FRMD5: variants seen among roughly 807,000 people sequenced by gnomAD.
The protein encoded by FRMD5 is FERM domain containing 5.
Under a neutral mutation model 69.0 loss-of-function variants are expected in FRMD5, and 20 were observed. That is an observed-to-expected ratio of 0.29 (90% CI 0.20 to 0.42). The LOEUF is 0.42. Among genes scored for constraint, FRMD5 ranks in the 10% least tolerant of loss-of-function variants. The pLI is 1.00. For missense variants in FRMD5, 595 were observed against 708.6 expected (o/e 0.84, Z 1.82); for synonymous variants, 271 against 260.1 (o/e 1.04, Z -0.40).
In FRMD5 at chr15:43,872,814, C is replaced by CTATT. The variant is rs59652543; in HGVS notation, c.*1067_*1070dup. 0.15 allele frequency: 28,772 copies of CTATT among 198,116 alleles called. 2,853 individuals carry two copies. The highest frequency in any genetic ancestry group is 0.28 in the African/African-American group (12,248 of 43,014). 12.3% of individuals were successfully genotyped at this position (198,116 alleles called of 1,614,324 possible). On this transcript the variant is annotated 3_prime_UTR_variant, in exon 14 of 14. Coordinates refer to ENST00000417257, the MANE Select transcript of FRMD5 (RefSeq NM_032892.5). ...CTTGCATCGTTTAGTTCATCAGGCT[C>CTATT]TATTTTCTTAATCCATAAAGTAAAA... is the stretch of plus-strand genomic sequence containing the variant.
intron 1 of FRMD5, among the ~76,000 whole-genome samples, chr15:44,141,796 T>A (rs193294592): frequency 2.4e-4 from 36 of 152,268 alleles, no homozygotes; most frequent in Admixed American, 2.2e-3. Context: ...ACAACCTACC[T>A]CAGACCACAC....
chr15:44,078,162 T>G (rs549276433), intron 1 of FRMD5, among the ~76,000 whole-genome samples: 5 of 152,182 alleles, frequency 3.3e-5, no homozygotes, highest in Admixed American at 3.3e-4. Flanking sequence ...TCAAAAGGCA[T>G]GATAACTGTT....
intron 1 of FRMD5, among the ~76,000 whole-genome samples, chr15:44,179,087 G>T (rs2077952538): frequency 6.6e-6 from 1 of 151,818 alleles, no homozygotes; most frequent in South Asian, 2.1e-4. Context: ...AAAAAAATAA[G>T]AAAAGGAAAA....
chr15:44,156,850 C>A (rs1404761377), intron 1 of FRMD5, among the ~76,000 whole-genome samples: 5 of 152,096 alleles, frequency 3.3e-5, no homozygotes, highest in Non-Finnish European at 7.3e-5. Flanking sequence ...GAGGACTGCT[C>A]CAGCTCAAGA....
chr15:44,063,858 CA>C, intron 1 of FRMD5: 3 of 276,162 alleles, frequency 1.1e-5, no homozygotes, highest in Non-Finnish European at 2.1e-5. Flanking sequence ...ACGGGGGAAC[CA>C]AAAAGGTCAT....
At chr15:44,153,518 G>A (rs1455427659) in intron 1 of FRMD5, among the ~76,000 whole-genome samples, 2 of 152,182 alleles carry the variant, frequency 1.3e-5, no homozygotes, top group Non-Finnish European at 2.9e-5. Flanking sequence ...ACGAATACTA[G>A]AATGGTGGTT....
chr15:44,060,118 T>C (rs993438268), intron 1 of FRMD5, among the ~76,000 whole-genome samples: 3 of 152,016 alleles, frequency 2.0e-5, no homozygotes, highest in African/African-American at 7.2e-5. Context: ...AGGTTGGAAA[T>C]GATGACAGAG....
intron 1 of FRMD5, among the ~76,000 whole-genome samples, chr15:43,990,733 G>T (rs950104960): frequency 6.6e-6 from 1 of 152,210 alleles, no homozygotes; most frequent in African/African-American, 2.4e-5. Flanking sequence ...AAAATGAAGA[G>T]AAGATAATAA....
intron 1 of FRMD5, among the ~76,000 whole-genome samples, chr15:43,943,832 A>C (rs1409427566): frequency 6.6e-6 from 1 of 152,196 alleles, no homozygotes; most frequent in African/African-American, 2.4e-5. Flanking sequence ...TGACAGAATA[A>C]ATTTGTTGTT....
intron 1 of FRMD5, among the ~76,000 whole-genome samples, chr15:44,175,075 A>T (rs1267467869): frequency 2.6e-5 from 4 of 152,168 alleles, no homozygotes; most frequent in Admixed American, 6.5e-5. Context: ...GTAAAATAAA[A>T]TTTTTTAAAA....
rs1267016785 is a variant in FRMD5 at position 44,195,238 on chromosome 15, G to A, written c.-184C>T. 9.2e-6 allele frequency: 5 copies of A among 542,466 alleles called. No homozygotes were observed. The highest frequency in any genetic ancestry group is 1.6e-5 in the Non-Finnish European group (5 of 310,956). The allele number at this position is 542,466 out of a possible 1,614,324, so 33.6% of individuals were successfully genotyped here. The stretch of plus-strand genomic sequence containing the variant: ...CCTCCTCCTTCCCTCAGCCGCCACC[G>A]CCTCCCCCCAGCCCAGATCAAGCGC... On this transcript the variant is annotated 5_prime_UTR_variant, in exon 1 of 14. Coordinates refer to ENST00000417257, the MANE Select transcript of FRMD5 (RefSeq NM_032892.5).
rs952697651 is a variant in FRMD5, at chr15:43,926,610, C to T, written c.103-2301G>A. 1.1e-4 allele frequency among the ~76,000 whole-genome samples: 16 copies of T among 151,956 alleles called. No individual in the cohort carries two copies. In the East Asian group the frequency reaches 1.2e-3, roughly 11 times the overall value. ...GAACTAGGGCAGGATGCTGATCTCGCGGCAGTTATGTTAAGAAGTTTGTCC... is the reference window on the plus strand; with the variant it reads ...GAACTAGGGCAGGATGCTGATCTCGTGGCAGTTATGTTAAGAAGTTTGTCC... On this transcript the variant is annotated intron_variant, in intron 1 of 13. Transcript: ENST00000417257.
intron 8 of FRMD5, among the ~76,000 whole-genome samples, chr15:43,889,376 T>C (rs1287591438): frequency 6.6e-6 from 1 of 152,052 alleles, no homozygotes; most frequent in African/African-American, 2.4e-5. Context: ...TGCAGACAAA[T>C]ATCAAACAAT....
At chr15:44,008,038 C>A (rs1009547800) in intron 1 of FRMD5, among the ~76,000 whole-genome samples, 1 of 150,538 alleles carries the variant, frequency 6.6e-6, no homozygotes, top group African/African-American at 2.4e-5. Flanking sequence ...ACATCCTGGG[C>A]TCTAGTGATT....
chr15:44,173,557 A>G (rs1267280419), intron 1 of FRMD5, among the ~76,000 whole-genome samples: 2 of 152,156 alleles, frequency 1.3e-5, no homozygotes, highest in African/African-American at 4.8e-5. Context: ...CCCCTCTGTC[A>G]CCCAGGCTGG....
chr15:43,944,086 A>G (rs2089905688), intron 1 of FRMD5, among the ~76,000 whole-genome samples: 1 of 152,234 alleles, frequency 6.6e-6, no homozygotes, highest in Non-Finnish European at 1.5e-5. Flanking sequence ...TCTGTTGCTT[A>G]TAACAGAATA....
chr15:43,992,815 C>T (rs111299760), intron 1 of FRMD5, among the ~76,000 whole-genome samples: 108 of 152,122 alleles, frequency 7.1e-4, no homozygotes, highest in Non-Finnish European at 2.9e-4. Flanking sequence ...CTCAAGTGGT[C>T]CTCCTGTCTC....
At chr15:43,878,932 CTTTTTTT>C (rs71421808) in intron 13 of FRMD5, among the ~76,000 whole-genome samples, 17 of 112,900 alleles carry the variant, frequency 1.5e-4, no homozygotes, top group East Asian at 5.3e-4. Context: ...TTTTTCTTTT[CTTTTTTT>C]TTTTTTTTTT....
rs992813100 is a variant in FRMD5 at position 43,972,751 on chromosome 15, C to A, written c.103-48442G>T. On this transcript the variant is annotated intron_variant, in intron 1 of 13. Coordinates refer to ENST00000417257, the MANE Select transcript of FRMD5 (RefSeq NM_032892.5). Reference sequence around the variant, plus strand: ...CACCTCATACAGGTAGTCCCATTCACCTTTGAAGAGTTTTGTGGCAAGTTC... The same window carrying A: ...CACCTCATACAGGTAGTCCCATTCAACTTTGAAGAGTTTTGTGGCAAGTTC... Among the ~76,000 whole-genome samples, 3 of 152,166 alleles carry A rather than the reference C, an allele frequency of 2.0e-5. No homozygotes were observed. In the East Asian group the frequency reaches 5.8e-4, roughly 29 times the overall value.
Sources: allele counts gnomAD v4.1 joint callset (sites outside exome capture counted in the v4.1 genomes callset), GRCh38; gene constraint gnomAD v4.1.1; transcripts MANE v1.5; gene names NCBI Gene and HGNC (gene_info 2026-07-23, HGNC 2026-07-21).